MALRD1: variants seen among roughly 807,000 people sequenced by gnomAD.
The protein encoded by MALRD1 is MAM and LDL-receptor class A domain-containing protein 1.
MALRD1 carries 247 observed loss-of-function variants against 242.1 expected under a neutral mutation model. The ratio of observed to expected loss-of-function variants is 1.02; its 90% CI spans 0.92 to 1.13. The LOEUF (loss-of-function observed/expected upper bound fraction) is 1.13, where lower values mean the gene tolerates loss of function less well. MALRD1 is among the 50% of genes most tolerant of loss of function. The probability of loss-of-function intolerance (pLI) is 0.00; values close to 1 mark genes in which losing one functional copy is unlikely to be tolerated. For synonymous variants in MALRD1, 995 were observed against 866.6 expected (o/e 1.15, Z -2.60); for missense variants, 2,989 against 2,533.1 (o/e 1.18, Z -3.86).
At chr10:19,425,439 T>C (rs1000961662) in intron 28 of MALRD1, among the ~76,000 whole-genome samples, 1 of 152,182 alleles carries the variant, frequency 6.6e-6, no homozygotes, top group Non-Finnish European at 1.5e-5. Flanking sequence ...TGTGGAAGTA[T>C]ATACGTGTGT....
chr10:19,200,515 C>T (rs77983713), intron 14 of MALRD1, among the ~76,000 whole-genome samples: 1 of 151,998 alleles, frequency 6.6e-6, no homozygotes, highest in African/African-American at 2.4e-5. Context: ...TTTTTGTACA[C>T]TTCATGTTTA....
intron 1 of MALRD1, among the ~76,000 whole-genome samples, chr10:19,049,837 C>G (rs1327258145): frequency 3.3e-5 from 5 of 152,192 alleles, no homozygotes; most frequent in Non-Finnish European, 7.3e-5. Context: ...AGAAGCTTAC[C>G]AAGGGAAGAC....
intron 33 of MALRD1, 92 bp downstream of exon 33, chr10:19,567,795 T>C (rs1836323584): frequency 1.8e-6 from 2 of 1,135,488 alleles, no homozygotes; most frequent in Admixed American, 4.4e-5. Context: ...ATTACATTTA[T>C]TTCTGGGTCC....
intron 38 of MALRD1, among the ~76,000 whole-genome samples, chr10:19,713,935 G>T (rs1834259285): frequency 6.6e-6 from 1 of 152,160 alleles, no homozygotes; most frequent in African/African-American, 2.4e-5. Context: ...TGTGGGGCTT[G>T]CTCCGTCGAT....
At chr10:19,108,387 CTT>C in intron 5 of MALRD1, among the ~76,000 whole-genome samples, 1 of 19,764 alleles carries the variant, frequency 5.1e-5, no homozygotes, top group Non-Finnish European at 8.0e-5. Flanking sequence ...ATTGTTTTTT[CTT>C]TTTTTTTTTT....
intron 28 of MALRD1, among the ~76,000 whole-genome samples, chr10:19,420,153 C>T (rs576050093): frequency 8.0e-4 from 122 of 152,270 alleles, no homozygotes; most frequent in African/African-American, 2.7e-3. Context: ...GCTGCTCTGT[C>T]GTTCCCCTGT....
At chr10:19,586,665 A>T (rs1385706725) in intron 33 of MALRD1, among the ~76,000 whole-genome samples, 1 of 152,214 alleles carries the variant, frequency 6.6e-6, no homozygotes, top group Non-Finnish European at 1.5e-5. Context: ...TGCAGAGGTT[A>T]CTGCTGTCTT....
chr10:19,149,885 AGCCCTAGTGTAT>A (rs1833878847), intron 11 of MALRD1, among the ~76,000 whole-genome samples: 1 of 152,188 alleles, frequency 6.6e-6, no homozygotes, highest in Admixed American at 6.5e-5. Context: ...TCTGATTTCT[AGCCCTAGTGTAT>A]GCCTGTTCCA....
intron 36 of MALRD1, among the ~76,000 whole-genome samples, chr10:19,689,333 T>A (rs929486293): frequency 2.6e-5 from 4 of 152,174 alleles, no homozygotes; most frequent in Non-Finnish European, 4.4e-5. Context: ...TAGAATTGCA[T>A]ATAGGCATGA....
intron 36 of MALRD1, among the ~76,000 whole-genome samples, chr10:19,656,499 C>G (rs938672639): frequency 2.0e-5 from 3 of 152,072 alleles, no homozygotes; most frequent in Non-Finnish European, 2.9e-5. Context: ...TTACTTCTTG[C>G]TGAAGGGCCA....
At chr10:19,559,147 C>T (rs1371845315) in intron 32 of MALRD1, among the ~76,000 whole-genome samples, 1 of 151,946 alleles carries the variant, frequency 6.6e-6, no homozygotes, top group Non-Finnish European at 1.5e-5. Context: ...AGTACCACTG[C>T]ACTCCAGCCT....
At chr10:19,174,090 A>G (rs1254250431) in intron 13 of MALRD1, among the ~76,000 whole-genome samples, 1 of 152,344 alleles carries the variant, frequency 6.6e-6, no homozygotes, top group East Asian at 1.9e-4. Context: ...ATGGACAATC[A>G]TGAAGAAATA....
intron 26 of MALRD1, among the ~76,000 whole-genome samples, chr10:19,353,435 T>C (rs1209260841): frequency 6.6e-6 from 1 of 152,246 alleles, no homozygotes; most frequent in African/African-American, 2.4e-5. Flanking sequence ...ATTTGTTTGC[T>C]CTGGCTTATA....
intron 13 of MALRD1, 67 bp from the exon 14 acceptor site, chr10:19,175,141 G>T: frequency 8.7e-7 from 1 of 1,145,418 alleles, no homozygotes; most frequent in Non-Finnish European, 1.1e-6. Flanking sequence ...TCTACACAAA[G>T]AAATATGATT....
intron 8 of MALRD1, among the ~76,000 whole-genome samples, chr10:19,132,718 CTT>C (rs1833163617): frequency 6.6e-6 from 1 of 152,074 alleles, no homozygotes; most frequent in South Asian, 2.1e-4. Flanking sequence ...TTATGTCAAT[CTT>C]CACATTTTTA....
At chr10:19,238,554 A>T (rs1474671475) in intron 18 of MALRD1, among the ~76,000 whole-genome samples, 10 of 82,928 alleles carry the variant, frequency 1.2e-4, no homozygotes, top group Admixed American at 2.1e-4. Context: ...TATATAATGT[A>T]TATTATATAT....
At chr10:19,553,635 T>A (rs542889565) in intron 32 of MALRD1, among the ~76,000 whole-genome samples, 2 of 152,286 alleles carry the variant, frequency 1.3e-5, no homozygotes, top group South Asian at 4.1e-4. Context: ...TCAAATAAAT[T>A]TTATTACCTG....
At chr10:19,591,497 G>GTTTTTTTTTTTTTTTTTTTTTTTTTTT (rs35785107) in intron 33 of MALRD1, among the ~76,000 whole-genome samples, 1 of 116,296 alleles carries the variant, frequency 8.6e-6, no homozygotes, top group Non-Finnish European at 1.8e-5. Context: ...TTTTATTTTA[G>GTTTTTTTTTTTTTTTTTTTTTTTTTTT]TTTTTTTTTT....
At chr10:19,575,887 C>T (rs551957643) in intron 33 of MALRD1, among the ~76,000 whole-genome samples, 1 of 152,166 alleles carries the variant, frequency 6.6e-6, no homozygotes, top group Non-Finnish European at 1.5e-5. Context: ...CTAATTTACT[C>T]ACACATATAC....
Sources: gnomAD v4.1 joint callset for allele counts (sites outside exome capture counted in the v4.1 genomes callset) on GRCh38, gnomAD v4.1.1 for gene constraint, MANE v1.5 for transcripts, NCBI Gene and HGNC (gene_info 2026-07-23, HGNC 2026-07-21) for gene names.